GRXCR1: variants seen among roughly 807,000 people sequenced by gnomAD.
GRXCR1 encodes glutaredoxin and cysteine rich domain containing 1, also known as glutaredoxin domain-containing cysteine-rich protein 1.
GRXCR1 carries 27 observed loss-of-function variants against 27.3 expected under a neutral mutation model. That is an observed-to-expected ratio of 0.99 (90% CI 0.73 to 1.37). The LOEUF is 1.37. Ranked by LOEUF, GRXCR1 falls within the 40% of genes most tolerant of loss-of-function variation. GRXCR1 has a pLI of 0.00. For missense variants in GRXCR1, 379 were observed against 354.4 expected, an observed-to-expected ratio of 1.07 and a Z score of -0.56; for synonymous variants, 122 against 131.1, an observed-to-expected ratio of 0.93 and a Z score of 0.47.
chr4:42,896,539 G>A (rs1746349819), intron 1 of GRXCR1, among the ~76,000 whole-genome samples: 1 of 151,994 alleles, frequency 6.6e-6, no homozygotes, highest in South Asian at 2.1e-4. Flanking sequence ...AGCTCCAGGT[G>A]GTTGAATTTG....
intron 1 of GRXCR1, among the ~76,000 whole-genome samples, chr4:42,910,706 G>A (rs759078903): frequency 6.6e-6 from 1 of 152,126 alleles, no homozygotes; most frequent in Admixed American, 6.5e-5. Flanking sequence ...CATATAAGCT[G>A]TCCTTGATTT....
At chr4:42,991,601 C>A (rs1337627920) in intron 2 of GRXCR1, among the ~76,000 whole-genome samples, 3 of 152,058 alleles carry the variant, frequency 2.0e-5, no homozygotes, top group East Asian at 3.9e-4. Context: ...AGTGAAGCAG[C>A]CAGGAGTTCT....
intron 2 of GRXCR1, among the ~76,000 whole-genome samples, chr4:43,001,301 T>C (rs1369574787): frequency 1.3e-5 from 2 of 152,158 alleles, no homozygotes; most frequent in Non-Finnish European, 2.9e-5. Context: ...CATTATTGTT[T>C]TTAAATTCAC....
chr4:42,930,617 T>G (rs1177048708), intron 1 of GRXCR1, among the ~76,000 whole-genome samples: 1 of 151,998 alleles, frequency 6.6e-6, no homozygotes, highest in Non-Finnish European at 1.5e-5. Context: ...TTTTAAAAAG[T>G]ATTGGTTTTC....
chr4:42,940,593 A>C lies in GRXCR1; in HGVS notation c.385-22299A>C, dbSNP rs370152919. The stretch of plus-strand genomic sequence containing the variant: ...ATTGTTACTTTCTATGATTAGATTG[A>C]CAACTTTAATATATTGCAATAAATG... On this transcript the variant is annotated intron_variant, in intron 1 of 3. Transcript: ENST00000399770. Among the ~76,000 whole-genome samples, 69 of 152,212 alleles carry C rather than the reference A, an allele frequency of 4.5e-4. 2 individuals carry two copies. The South Asian group carries it at 0.01, about 23-fold the overall frequency.
At chr4:42,916,053 G>A (rs2044842) in intron 1 of GRXCR1, among the ~76,000 whole-genome samples, 148,700 of 150,908 alleles carry the variant, frequency 0.99, 73,307 homozygotes, top group Non-Finnish European at 1. Flanking sequence ...AAAAAATTCC[G>A]TATGTTTGAA....
intron 1 of GRXCR1, among the ~76,000 whole-genome samples, chr4:42,924,520 G>C (rs1292866356): frequency 6.6e-6 from 1 of 152,014 alleles, no homozygotes; most frequent in Non-Finnish European, 1.5e-5. Context: ...TTGCAGCTCA[G>C]GACTTTCTAA....
Position 42,950,225 on chromosome 4 carries a change from C to G in GRXCR1, c.385-12667C>G, listed in dbSNP as rs551717401. ...ACGAAAATGGTTAATGCGGGGCTCTCTAGCCACTTAATACTCTGATGCCAT... is the reference window on the plus strand; with the variant it reads ...ACGAAAATGGTTAATGCGGGGCTCTGTAGCCACTTAATACTCTGATGCCAT... On this transcript the variant is annotated intron_variant, in intron 1 of 3. Transcript: ENST00000399770. 2.2e-4 allele frequency among the ~76,000 whole-genome samples: 34 copies of G among 152,282 alleles called. No individual in the cohort carries two copies. The South Asian group carries it at 7.1e-3, about 32-fold the overall frequency.
chr4:42,988,292 G>A (rs992771892), intron 2 of GRXCR1, among the ~76,000 whole-genome samples: 2 of 152,128 alleles, frequency 1.3e-5, no homozygotes, highest in South Asian at 2.1e-4. Flanking sequence ...ATTTTCTTCT[G>A]TCACCATCTG....
At chr4:42,902,419 T>G (rs1171300568) in intron 1 of GRXCR1, among the ~76,000 whole-genome samples, 1 of 152,158 alleles carries the variant, frequency 6.6e-6, no homozygotes, top group Non-Finnish European at 1.5e-5. Context: ...CTGAGGATAA[T>G]GGCTTCCAAC....
intron 1 of GRXCR1, among the ~76,000 whole-genome samples, chr4:42,932,888 G>A (rs1009903212): frequency 1.3e-5 from 2 of 151,532 alleles, no homozygotes; most frequent in African/African-American, 4.8e-5. Context: ...CTCATCCTAT[G>A]CCTTGAGGTG....
intron 2 of GRXCR1, among the ~76,000 whole-genome samples, chr4:42,977,257 T>A (rs1365081672): frequency 2.0e-5 from 3 of 152,072 alleles, no homozygotes; most frequent in Non-Finnish European, 4.4e-5. Flanking sequence ...TTGACTGTTA[T>A]GAATAATGCT....
At chr4:42,980,224 G>A (rs1209813022) in intron 2 of GRXCR1, among the ~76,000 whole-genome samples, 1 of 151,456 alleles carries the variant, frequency 6.6e-6, no homozygotes, top group African/African-American at 2.4e-5. Flanking sequence ...TTCTTGAAGT[G>A]TAACATTAGG....
rs60704333 is a variant in GRXCR1, at chr4:43,024,197, C to CTTTTT, written c.693+3790_693+3794dup. 1.6e-4 allele frequency among the ~76,000 whole-genome samples: 15 copies of CTTTTT among 94,246 alleles called. 1 individual carries two copies. The East Asian group carries it at 1.8e-3, about 11-fold the overall frequency. The allele number at this position is 94,246 out of a possible 152,430, so 61.8% of individuals were successfully genotyped here. Reference sequence around the variant, plus strand: ...GCCAACATAGTGTCCATTTTCTGTCCTTTTTTTTTTTTTTTTGGTAAAGCT... The same window carrying CTTTTT: ...GCCAACATAGTGTCCATTTTCTGTCCTTTTTTTTTTTTTTTTTTTTTGGTAAAGCT... On this transcript the variant is annotated intron_variant, in intron 3 of 3. Coordinates refer to ENST00000399770, the MANE Select transcript of GRXCR1 (RefSeq NM_001080476.3).
In GRXCR1 at chr4:42,911,746, C is replaced by T. The variant is rs527866359; in HGVS notation, c.384+18096C>T. On this transcript the variant is annotated intron_variant, in intron 1 of 3. Coordinates refer to ENST00000399770, the MANE Select transcript of GRXCR1 (RefSeq NM_001080476.3). ...TAGTTACCTCATCTGTAAATTGATG[C>T]TAGTAATTATAACTAATTCATGTGG... is the stretch of plus-strand genomic sequence containing the variant. 1.4e-4 allele frequency among the ~76,000 whole-genome samples: 21 copies of T among 152,134 alleles called. 1 individual carries two copies. In the South Asian group the frequency reaches 3.5e-3, roughly 26 times the overall value.
At chr4:42,905,524 C>A (rs1177368025) in intron 1 of GRXCR1, among the ~76,000 whole-genome samples, 1 of 152,168 alleles carries the variant, frequency 6.6e-6, no homozygotes, top group Non-Finnish European at 1.5e-5. Flanking sequence ...TCAAAAGAGG[C>A]TGTTGCTGAG....
Position 42,983,776 on chromosome 4 carries a change from C to A in GRXCR1, c.627+20642C>A, listed in dbSNP as rs561063006. Among the ~76,000 whole-genome samples, 31 of 150,654 alleles carry A rather than the reference C, an allele frequency of 2.1e-4. 1 individual carries two copies. The East Asian group carries it at 5.9e-3, about 28-fold the overall frequency. On this transcript the variant is annotated intron_variant, in intron 2 of 3. Transcript: ENST00000399770. ...TTAAAATTCTTTTTTATTCTTTTTTCTTTTTTCTCCTCTAAGTGTATATTT... is the reference window on the plus strand; with the variant it reads ...TTAAAATTCTTTTTTATTCTTTTTTATTTTTTCTCCTCTAAGTGTATATTT...
intron 2 of GRXCR1, among the ~76,000 whole-genome samples, chr4:43,012,353 A>G (rs1712777666): frequency 6.6e-6 from 1 of 152,224 alleles, no homozygotes; most frequent in Admixed American, 6.5e-5. Context: ...AATATCTTGT[A>G]TAAGAAATAA....
intron 2 of GRXCR1, among the ~76,000 whole-genome samples, chr4:42,976,182 G>A (rs1278819189): frequency 2.0e-5 from 3 of 151,906 alleles, no homozygotes; most frequent in East Asian, 1.9e-4. Context: ...TTAGTACTTT[G>A]GACCTCTGCA....
Sources: allele counts gnomAD v4.1 joint callset (sites outside exome capture counted in the v4.1 genomes callset), GRCh38; gene constraint gnomAD v4.1.1; transcripts MANE v1.5; gene names NCBI Gene and HGNC (gene_info 2026-07-23, HGNC 2026-07-21).